Variants in ALDH1L2 observed in about 807,000 individuals in gnomAD.
ALDH1L2 encodes aldehyde dehydrogenase 1 family member L2, also known as mitochondrial 10-formyltetrahydrofolate dehydrogenase.
A neutral mutation model predicts 111.0 loss-of-function variants in ALDH1L2; 91 were observed. The ratio of observed to expected loss-of-function variants is 0.82; its 90% CI spans 0.69 to 0.98. The LOEUF (loss-of-function observed/expected upper bound fraction) is 0.98, where lower values mean the gene tolerates loss of function less well. ALDH1L2 is among the 50% of genes least tolerant of loss of function. The pLI, the probability that ALDH1L2 is intolerant of heterozygous loss-of-function variation, is 0.00. For missense variants in ALDH1L2, 995 were observed against 1,126.8 expected (o/e 0.88, Z 1.67); for synonymous variants, 374 against 392.6 (o/e 0.95, Z 0.56).
intron 1 of ALDH1L2, among the ~76,000 whole-genome samples, chr12:105,075,878 C>T (rs566031615): frequency 3.9e-5 from 6 of 152,256 alleles, no homozygotes; most frequent in African/African-American, 1.2e-4. Context: ...CTCCGCCTCC[C>T]GGGTTCAAGT....
chr12:105,084,315 CCCGG>C, intron 1 of ALDH1L2, 70 bp downstream of exon 1: 1 of 1,463,916 alleles, frequency 6.8e-7, no homozygotes, highest in Non-Finnish European at 9.0e-7. Context: ...GCCCCACCGC[CCCGG>C]CCCTCCCGCC....
rs771434198 is a variant in ALDH1L2 at position 105,046,829 on chromosome 12, A to T, written c.1758-14T>A. On this transcript the variant is annotated splice_polypyrimidine_tract_variant and intron_variant, in intron 14 of 22. Transcript: ENST00000258494. Reference sequence around the variant, plus strand: ...ATGGCACAGACACTGCAGGGGAAGAAATTCGACATGCTTAGTTGTTTCAAA... The same window carrying T: ...ATGGCACAGACACTGCAGGGGAAGATATTCGACATGCTTAGTTGTTTCAAA... 18 of 1,613,594 alleles carry T rather than the reference A, an allele frequency of 1.1e-5. No homozygotes were observed. Among genetic ancestry groups the T allele is most frequent in the Admixed American group, 1.7e-5 (1 of 60,006 alleles).
chr12:105,050,281 C>A, intron 12 of ALDH1L2: 1 of 349,568 alleles, frequency 2.9e-6, no homozygotes, highest in Non-Finnish European at 5.0e-6. Context: ...GTATTGGAAG[C>A]ATATATAACT....
chr12:105,057,425 C>T (rs377234000), intron 10 of ALDH1L2, among the ~76,000 whole-genome samples: 33 of 152,270 alleles, frequency 2.2e-4, no homozygotes, highest in African/African-American at 7.7e-4. Flanking sequence ...ACCCAAGAGA[C>T]TTGAAAACAT....
rs117800647 is a variant in ALDH1L2, at chr12:105,025,075, C to T, written c.2717-596G>A. ...AATAAATAGGTCTGCCTTTCTTTGA[C>T]TGTTTCTATTTTGAGCCAGTACTGT... On this transcript the variant is annotated intron_variant, in intron 22 of 22. Coordinates refer to ENST00000258494, the MANE Select transcript of ALDH1L2 (RefSeq NM_001034173.4). 6.3e-3 allele frequency among the ~76,000 whole-genome samples: 959 copies of T among 152,278 alleles called. 10 individuals carry two copies. The highest frequency in any genetic ancestry group is 0.017 in the Middle Eastern group (5 of 294).
chr12:105,024,689 C>T (rs1457314847), intron 22 of ALDH1L2, among the ~76,000 whole-genome samples: 1 of 152,194 alleles, frequency 6.6e-6, no homozygotes, highest in Admixed American at 6.5e-5. Context: ...CTGGTGTGGG[C>T]CCAGAGGTTT....
At chr12:105,046,191 CTCTATATATA>C (rs1875863803) in intron 15 of ALDH1L2, among the ~76,000 whole-genome samples, 1 of 21,256 alleles carries the variant, frequency 4.7e-5, no homozygotes, top group African/African-American at 2.3e-4. Flanking sequence ...CTCTCTCTCT[CTCTATATATA>C]TATATATATA....
chr12:105,025,954 A>G (rs994619806), intron 22 of ALDH1L2, among the ~76,000 whole-genome samples: 1 of 152,204 alleles, frequency 6.6e-6, no homozygotes, highest in African/African-American at 2.4e-5. Flanking sequence ...GCTAAGTAGA[A>G]TGGGGCCTGG....
chr12:105,083,625 T>C (rs573540678), intron 1 of ALDH1L2, among the ~76,000 whole-genome samples: 10 of 148,606 alleles, frequency 6.7e-5, no homozygotes, highest in African/African-American at 2.5e-4. Context: ...GTTTTTATTT[T>C]TTTTTTTTCT....
chr12:105,058,319 C>G, intron 9 of ALDH1L2, 99 bp from the exon 10 acceptor site: 3 of 1,207,864 alleles, frequency 2.5e-6, no homozygotes, highest in Non-Finnish European at 3.4e-6. Flanking sequence ...GTAAGACTTA[C>G]ATCACATGCC....
Position 105,066,667 on chromosome 12 carries a change from T to A in ALDH1L2, c.597A>T (p.Val199=), listed in dbSNP as rs142948125. The A allele has an allele frequency of 2.5e-6, 4 of 1,613,958 alleles. No individual in the cohort carries two copies. The African/African-American group carries it at 5.3e-5, about 22-fold the overall frequency. The part of the protein sequence containing the change: ...FLFPEGIKAM[V]EAVQLIADGK... Reference sequence around the variant, plus strand: ...CATCAGCTATGAGTTGGACAGCTTCTACCTAAGGCCAAAGACATCACCTGT... The same window carrying A: ...CATCAGCTATGAGTTGGACAGCTTCAACCTAAGGCCAAAGACATCACCTGT... The change falls in exon 5 of 23, where the codon GTA becomes GTT. Residue 199 remains valine, a splice_region_variant and synonymous_variant. Coordinates refer to ENST00000258494, the MANE Select transcript of ALDH1L2 (RefSeq NM_001034173.4).
chr12:105,072,190 A>G (rs893989609), intron 2 of ALDH1L2, among the ~76,000 whole-genome samples: 2 of 148,068 alleles, frequency 1.4e-5, no homozygotes, highest in African/African-American at 4.9e-5. Flanking sequence ...TTAATATCCT[A>G]TATGATATAT....
chr12:105,073,922 C>T lies in ALDH1L2; in HGVS notation c.132G>A (p.Glu44=), dbSNP rs1423213902. 6.2e-7 allele frequency: 1 copy of T among 1,614,034 alleles called. No homozygotes were observed. The highest frequency in any genetic ancestry group is 8.5e-7 in the Non-Finnish European group (1 of 1,180,042). ...TGAACACCCCTACTACTCGGTGGCC[C>T]TCTTTGCGGAGGTGGCTATAGACTT... ...GQEVYSHLRK[E]GHRVVGVFTV... Residue 44 remains glutamate, a synonymous_variant, in exon 2 of 23, where the codon GAG becomes GAA. Coordinates refer to ENST00000258494, the MANE Select transcript of ALDH1L2 (RefSeq NM_001034173.4).
chr12:105,048,892 G>T (rs1028171726), intron 13 of ALDH1L2, among the ~76,000 whole-genome samples: 3 of 151,938 alleles, frequency 2.0e-5, no homozygotes, highest in African/African-American at 4.8e-5. Context: ...TTAGCCAGGC[G>T]TGGTGGTGCA....
At chr12:105,028,977 T>C (rs530994102) in intron 21 of ALDH1L2, among the ~76,000 whole-genome samples, 43 of 152,126 alleles carry the variant, frequency 2.8e-4, no homozygotes, top group Non-Finnish European at 5.6e-4. Flanking sequence ...TCTGAAAATT[T>C]TCCCGTCTAT....
At chr12:105,072,349 C>G (rs970874268) in intron 2 of ALDH1L2, 7 of 151,252 alleles carry the variant, frequency 4.6e-5, no homozygotes, top group Non-Finnish European at 1.0e-4. Flanking sequence ...TTCCTTTTTC[C>G]TAGATCTGAA....
chr12:105,063,434 C>G (rs1165087582), intron 6 of ALDH1L2, among the ~76,000 whole-genome samples: 2 of 151,642 alleles, frequency 1.3e-5, no homozygotes, highest in Non-Finnish European at 2.9e-5. Flanking sequence ...CGAGATTGTG[C>G]CATTGCACTC....
In ALDH1L2 at chr12:105,062,394, A is replaced by G. The variant is rs544094933; in HGVS notation, c.921+494T>C. 4.2e-3 allele frequency among the ~76,000 whole-genome samples: 641 copies of G among 152,312 alleles called. 1 individual carries two copies. The highest frequency in any genetic ancestry group is 7.4e-3 in the Non-Finnish European group (506 of 68,024). On this transcript the variant is annotated intron_variant, in intron 7 of 22. Transcript: ENST00000258494. ...AACTGGAAAATATCTGTAAGCTACA[A>G]ATTCCCTTTGCACGCTTCATTGGGA...
intron 3 of ALDH1L2, 60 bp from the exon 4 acceptor site, chr12:105,068,944 T>G: frequency 7.6e-7 from 1 of 1,324,390 alleles, no homozygotes; most frequent in Non-Finnish European, 1.0e-6. Flanking sequence ...AGTGATGAAT[T>G]AGTGATATTA....
Sources: gnomAD v4.1 joint callset for allele counts (sites outside exome capture counted in the v4.1 genomes callset) on GRCh38, gnomAD v4.1.1 for gene constraint, MANE v1.5 for transcripts, NCBI Gene and HGNC (gene_info 2026-07-23, HGNC 2026-07-21) for gene names.